The following CTPS2 variants were observed in gnomAD, a reference collection of about 807,000 sequenced individuals.
The protein encoded by CTPS2 is CTP synthase 2.
In CTPS2, 19 loss-of-function variants were observed where a neutral mutation model predicts 46.8. The observed-to-expected ratio is 0.41, with a 90% CI of 0.28 to 0.60. The LOEUF is 0.60. Ranked by LOEUF, CTPS2 falls within the 20% of genes least tolerant of loss-of-function variation. CTPS2 has a pLI of 0.35. For missense variants in CTPS2, 286 were observed against 447.6 expected, an observed-to-expected ratio of 0.64 and a Z score of 3.26; for synonymous variants, 151 against 165.2, an observed-to-expected ratio of 0.91 and a Z score of 0.66.
intron 13 of CTPS2, among the ~76,000 whole-genome samples, 188 bp downstream of exon 13, chrX:16,667,307 ATTTTTAGTAGAGACAGGGG>A (rs1395563971): frequency 9.1e-5 from 10 of 110,105 alleles, no homozygotes; most frequent in Non-Finnish European, 1.5e-4. Context: ...TAATTTTTGT[ATTTTTAGTAGAGACAGGGG>A]TTTCACCATG....
At chrX:16,699,315 G>A (rs1436250938) in intron 2 of CTPS2, among the ~76,000 whole-genome samples, 1 of 111,144 alleles carries the variant, frequency 9.0e-6, no homozygotes, top group Non-Finnish European at 1.9e-5. Context: ...TTAATCTACT[G>A]AAATTCTGTC....
At chrX:16,669,113 G>A (rs1460907191) in intron 11 of CTPS2, among the ~76,000 whole-genome samples, 1 of 110,698 alleles carries the variant, frequency 9.0e-6, no homozygotes, top group Non-Finnish European at 1.9e-5. Context: ...GGGGGTTGGA[G>A]ACTCCACAGT....
intron 13 of CTPS2, among the ~76,000 whole-genome samples, chrX:16,659,888 G>A (rs1351379999): frequency 2.7e-5 from 3 of 111,245 alleles, no homozygotes; most frequent in African/African-American, 9.8e-5. Context: ...CTGCAAGTTT[G>A]TGCCCTTTGA....
intron 17 of CTPS2, among the ~76,000 whole-genome samples, chrX:16,599,476 C>CTTTTTTTTTT (rs56794396): frequency 5.8e-5 from 5 of 86,205 alleles, no homozygotes; most frequent in Admixed American, 1.3e-4. Flanking sequence ...TCTTTTTTTT[C>CTTTTTTTTTT]TTTTTTTTTT....
chrX:16,625,127 A>AG (rs1261146079), intron 14 of CTPS2, among the ~76,000 whole-genome samples: 1 of 112,352 alleles, frequency 8.9e-6, no homozygotes, highest in Non-Finnish European at 1.9e-5. Context: ...AAAAGGTGGA[A>AG]GCAACCCAAA....
intron 15 of CTPS2, 143 bp downstream of exon 15, chrX:16,620,134 G>A: frequency 2.1e-6 from 1 of 476,457 alleles, no homozygotes; most frequent in East Asian, 3.6e-5. Flanking sequence ...CTCTGGAAGT[G>A]GGAGACTGTG....
At chrX:16,701,005 G>A (rs1266652127) in intron 2 of CTPS2, among the ~76,000 whole-genome samples, 1 of 111,468 alleles carries the variant, frequency 9.0e-6, no homozygotes, top group Non-Finnish European at 1.9e-5. Flanking sequence ...TTTAAAATCA[G>A]GAACATTCCA....
chrX:16,664,997 T>C (rs1179941148), intron 13 of CTPS2, among the ~76,000 whole-genome samples: 1 of 112,249 alleles, frequency 8.9e-6, no homozygotes, highest in Non-Finnish European at 1.9e-5. Flanking sequence ...TGGACCTTTC[T>C]CCAGAGAAGA....
chrX:16,611,271 T>C, intron 16 of CTPS2, among the ~76,000 whole-genome samples: 1 of 111,053 alleles, frequency 9.0e-6, no homozygotes, highest in Non-Finnish European at 1.9e-5. Context: ...GGCAATATGG[T>C]GAAACCCTGT....
chrX:16,652,789 G>T (rs1249444720), intron 13 of CTPS2, among the ~76,000 whole-genome samples: 1 of 111,335 alleles, frequency 9.0e-6, no homozygotes, highest in East Asian at 2.8e-4. Context: ...ATTCCCATAA[G>T]GTTTCCATTA....
At chrX:16,596,527 A>C (rs1280480134) in intron 17 of CTPS2, among the ~76,000 whole-genome samples, 1 of 109,822 alleles carries the variant, frequency 9.1e-6, no homozygotes, top group Admixed American at 9.7e-5. Flanking sequence ...TGAACTCATC[A>C]TTTTTTATGG....
At chrX:16,662,206 A>G (rs1932978073) in intron 13 of CTPS2, among the ~76,000 whole-genome samples, 1 of 110,725 alleles carries the variant, frequency 9.0e-6, no homozygotes, top group Non-Finnish European at 1.9e-5. Context: ...GGCAGCTGAG[A>G]CTACTTTGAA....
At chrX:16,685,179 G>T (rs1317439430) in intron 8 of CTPS2, among the ~76,000 whole-genome samples, 3 of 111,762 alleles carry the variant, frequency 2.7e-5, no homozygotes, top group Non-Finnish European at 5.6e-5. Flanking sequence ...AGGCAGAGCC[G>T]CATTTGAGAA....
At chrX:16,595,162 TACACACAC>T (rs10643985) in intron 17 of CTPS2, among the ~76,000 whole-genome samples, 12 of 102,699 alleles carry the variant, frequency 1.2e-4, no homozygotes, top group Non-Finnish European at 2.0e-4. Flanking sequence ...AGCAATCTTT[TACACACAC>T]ACACACACAC....
At chrX:16,632,428 C>CTT (rs772290027) in intron 14 of CTPS2, among the ~76,000 whole-genome samples, 1 of 103,641 alleles carries the variant, frequency 9.6e-6, no homozygotes, top group Non-Finnish European at 2.0e-5. Flanking sequence ...TTCTTTCTTT[C>CTT]TTTTTTTTTT....
chrX:16,594,912 T>G (rs1929145496), intron 17 of CTPS2, among the ~76,000 whole-genome samples: 1 of 112,659 alleles, frequency 8.9e-6, no homozygotes, highest in South Asian at 3.6e-4. Flanking sequence ...CATCTGCCAA[T>G]AAAAAACAAC....
At chrX:16,675,944 G>A (rs1338829337) in intron 10 of CTPS2, among the ~76,000 whole-genome samples, 1 of 110,936 alleles carries the variant, frequency 9.0e-6, no homozygotes, top group Admixed American at 9.6e-5. Context: ...TTTATTTTTC[G>A]GAGTCAAGAA....
intron 13 of CTPS2, among the ~76,000 whole-genome samples, chrX:16,647,746 C>T (rs1001835335): frequency 9.0e-6 from 1 of 110,930 alleles, no homozygotes; most frequent in Admixed American, 9.7e-5. Flanking sequence ...CATCCTATAT[C>T]GTTACTAAGA....
chrX:16,608,228 A>ATTAAT (rs750746924), intron 17 of CTPS2, among the ~76,000 whole-genome samples: 6 of 110,190 alleles, frequency 5.4e-5, no homozygotes, highest in Non-Finnish European at 1.1e-4. Flanking sequence ...AAATAAATAA[A>ATTAAT]TTAATTTAAT....
Sources: gnomAD v4.1 joint callset for allele counts (sites outside exome capture counted in the v4.1 genomes callset) on GRCh38, gnomAD v4.1.1 for gene constraint, MANE v1.5 for transcripts, NCBI Gene and HGNC (gene_info 2026-07-23, HGNC 2026-07-21) for gene names.